The following TMCO4 variants were observed in gnomAD, a reference collection of about 807,000 sequenced individuals.
TMCO4 encodes the protein transmembrane and coiled-coil domain-containing protein 4.
Under a neutral mutation model 64.7 loss-of-function variants are expected in TMCO4, and 58 were observed. The observed-to-expected ratio is 0.90, with a 90% CI of 0.73 to 1.12. The LOEUF (loss-of-function observed/expected upper bound fraction) is 1.12. TMCO4 is among the 50% of genes most tolerant of loss of function. TMCO4 has a pLI of 0.00. For synonymous variants in TMCO4, 325 were observed against 346.1 expected, an observed-to-expected ratio of 0.94 and a Z score of 0.68; for missense variants, 780 against 825.9, an observed-to-expected ratio of 0.94 and a Z score of 0.68.
At chr1:19,776,719 T>C (rs2043219024) in intron 4 of TMCO4, among the ~76,000 whole-genome samples, 1 of 151,922 alleles carries the variant, frequency 6.6e-6, no homozygotes, top group Non-Finnish European at 1.5e-5. Context: ...TCATCTCCCA[T>C]GATGGAGGTT....
At chr1:19,770,971 C>G (rs1284989242) in intron 5 of TMCO4, among the ~76,000 whole-genome samples, 1 of 152,172 alleles carries the variant, frequency 6.6e-6, no homozygotes, top group African/African-American at 2.4e-5. Context: ...CTGGCTCCAC[C>G]ACTTATCAGC....
chr1:19,755,438 A>G (rs916178200), intron 7 of TMCO4, among the ~76,000 whole-genome samples, 196 bp downstream of exon 7: 8 of 152,178 alleles, frequency 5.3e-5, no homozygotes, highest in Non-Finnish European at 1.2e-4. Flanking sequence ...CTTCTTGCAA[A>G]TGAAGTCAGA....
At chr1:19,741,056 C>T (rs2095477209) in intron 10 of TMCO4, 115 bp from the exon 11 acceptor site, 5 of 1,132,452 alleles carry the variant, frequency 4.4e-6, no homozygotes, top group Admixed American at 3.1e-5. Flanking sequence ...AGACAAGAGG[C>T]CCACCCCCTG....
chr1:19,771,247 C>G, intron 5 of TMCO4, 61 bp downstream of exon 5: 1 of 1,550,738 alleles, frequency 6.4e-7, no homozygotes, highest in Non-Finnish European at 8.7e-7. Context: ...TTTAGGCTAA[C>G]ATTGAAAGAA....
At position 19,683,116 on chromosome 1, in the gene TMCO4, T is replaced by C. The variant is rs745872509; in HGVS notation, c.1829A>G (p.His610Arg). 3 of 1,613,376 alleles carry C rather than the reference T, an allele frequency of 1.9e-6. No individual in the cohort carries two copies. Among genetic ancestry groups the C allele is most frequent in the South Asian group, 2.2e-5 (2 of 90,982 alleles). The change falls in exon 16 of 16, where the codon CAT becomes CGT. Residue 610 changes from histidine to arginine, a missense_variant. Physicochemically the swap from His to Arg is conservative, Grantham distance 29. Coordinates refer to ENST00000294543, the MANE Select transcript of TMCO4 (RefSeq NM_181719.7). ...GCCCAGTGGGTTGGGGTCCATGCCATGGCTGCAGATGGGGGGCCTTTCAGG... is the reference window on the plus strand; with the variant it reads ...GCCCAGTGGGTTGGGGTCCATGCCACGGCTGCAGATGGGGGGCCTTTCAGG... ...ASPERPPICS[H>R]GMDPNPLGCP...
rs1287937570 is a variant in TMCO4, at chr1:19,682,434, T to C, written c.*606A>G. 5.1e-6 allele frequency: 3 copies of C among 587,200 alleles called. No homozygotes were observed. In the African/African-American group the frequency reaches 5.6e-5, roughly 11 times the overall value. 36.4% of individuals were successfully genotyped at this position (587,200 alleles called of 1,614,324 possible). On this transcript the variant is annotated 3_prime_UTR_variant, in exon 16 of 16. Coordinates refer to ENST00000294543, the MANE Select transcript of TMCO4 (RefSeq NM_181719.7). ...GGGGAGCACACTCACATTGTGTCTG[T>C]GTGACTCATGTCCCTGGAGTTATGC...
chr1:19,748,150 C>T (rs2041870621), intron 7 of TMCO4, among the ~76,000 whole-genome samples: 1 of 152,204 alleles, frequency 6.6e-6, no homozygotes, highest in African/African-American at 2.4e-5. Flanking sequence ...ACAGTCACTA[C>T]CTCCCCATGA....
At position 19,732,785 on chromosome 1, in the gene TMCO4, C is replaced by T. The variant is rs2095435564; in HGVS notation, c.1264+4587G>A. The stretch of plus-strand genomic sequence containing the variant: ...CCCAAGTTCTTTTTTCTGAAGGTGA[C>T]TACAGGGGGAAAATGCCAGCTGCAC... On this transcript the variant is annotated intron_variant, in intron 13 of 15. Transcript: ENST00000294543. The surrounding 1 kb of genome is among the most constrained non-coding windows in gnomAD (Gnocchi z 4.8). 6.6e-6 allele frequency among the ~76,000 whole-genome samples: 1 copy of T among 152,094 alleles called. No individual in the cohort carries two copies. Among genetic ancestry groups the T allele is most frequent in the East Asian group, 1.9e-4 (1 of 5,176 alleles).
chr1:19,745,249 T>C (rs1444548634), intron 10 of TMCO4, among the ~76,000 whole-genome samples: 1 of 118,108 alleles, frequency 8.5e-6, no homozygotes, highest in Non-Finnish European at 1.6e-5. Flanking sequence ...GGTAGATGGA[T>C]GAACAGGTGG....
At chr1:19,775,767 T>C (rs1362921844) in intron 4 of TMCO4, among the ~76,000 whole-genome samples, 1 of 152,230 alleles carries the variant, frequency 6.6e-6, no homozygotes. Flanking sequence ...GCATCTGTGA[T>C]GTTCACAGCA....
At chr1:19,700,525 G>A (rs761375770) in intron 14 of TMCO4, among the ~76,000 whole-genome samples, 1 of 140,408 alleles carries the variant, frequency 7.1e-6, no homozygotes, top group Non-Finnish European at 1.6e-5. Context: ...GCTGCTCTCA[G>A]GCCTGACACA....
intron 9 of TMCO4, among the ~76,000 whole-genome samples, chr1:19,745,909 A>T (rs1370479810): frequency 6.6e-6 from 1 of 152,152 alleles, no homozygotes; most frequent in African/African-American, 2.4e-5. Flanking sequence ...CCAGGCTCTC[A>T]CCCATTGCTC....
At chr1:19,746,256 G>A (rs965556670) in intron 9 of TMCO4, among the ~76,000 whole-genome samples, 200 bp downstream of exon 9, 1 of 152,144 alleles carries the variant, frequency 6.6e-6, no homozygotes, top group African/African-American at 2.4e-5. Flanking sequence ...AGGTGCATGG[G>A]GAAAAAGCCA....
chr1:19,782,907 C>A (rs537769620), intron 3 of TMCO4, among the ~76,000 whole-genome samples: 1 of 152,320 alleles, frequency 6.6e-6, no homozygotes, highest in South Asian at 2.1e-4. Context: ...TCTTCACCTA[C>A]AGATGGGACC....
At chr1:19,752,126 C>G (rs1044026935) in intron 7 of TMCO4, among the ~76,000 whole-genome samples, 33 of 152,176 alleles carry the variant, frequency 2.2e-4, no homozygotes, top group Middle Eastern at 3.4e-3. Context: ...TATACTCTTG[C>G]AATTACTTCA....
chr1:19,747,150 T>C lies in TMCO4; in HGVS notation c.613+13A>G. On this transcript the variant is annotated intron_variant, in intron 8 of 15. Coordinates refer to ENST00000294543, the MANE Select transcript of TMCO4 (RefSeq NM_181719.7). ...AAACCCAGACGTGTGCCACCATCTCTAGCTGGACTCACCGATCACCGTTCC... is the reference window on the plus strand; with the variant it reads ...AAACCCAGACGTGTGCCACCATCTCCAGCTGGACTCACCGATCACCGTTCC... 6.2e-7 allele frequency: 1 copy of C among 1,612,916 alleles called. No individual in the cohort carries two copies. The highest frequency in any genetic ancestry group is 1.7e-4 in the Middle Eastern group (1 of 6,058).
intron 2 of TMCO4, among the ~76,000 whole-genome samples, chr1:19,787,743 G>C (rs1300579476): frequency 6.6e-6 from 1 of 152,086 alleles, no homozygotes; most frequent in Non-Finnish European, 1.5e-5. Context: ...CATCCTTAGT[G>C]CCATTTTCTT....
At chr1:19,719,964 C>G (rs2095374096) in intron 13 of TMCO4, among the ~76,000 whole-genome samples, 1 of 151,594 alleles carries the variant, frequency 6.6e-6, no homozygotes, top group East Asian at 1.9e-4. Flanking sequence ...TGCACTCCAG[C>G]CTGGACGACA....
chr1:19,768,377 G>T (rs2042835461), intron 6 of TMCO4, among the ~76,000 whole-genome samples: 1 of 152,310 alleles, frequency 6.6e-6, no homozygotes. Flanking sequence ...CTCCAAGGGA[G>T]TCCAGGAGGA....
Sources: allele counts gnomAD v4.1 joint callset (sites outside exome capture counted in the v4.1 genomes callset), GRCh38; gene constraint gnomAD v4.1.1; non-coding constraint Gnocchi (gnomAD v3.1); transcripts MANE v1.5; gene names NCBI Gene and HGNC (gene_info 2026-07-23, HGNC 2026-07-21).